N4BP2: variants seen among roughly 807,000 people sequenced by gnomAD.
N4BP2 encodes the protein NEDD4 binding protein 2, also known as NEDD4-binding protein 2.
N4BP2 carries 91 observed loss-of-function variants against 152.8 expected under a neutral mutation model. The observed-to-expected ratio is 0.60, with a 90% CI of 0.50 to 0.71. The LOEUF (loss-of-function observed/expected upper bound fraction) is 0.71, where lower values mean the gene tolerates loss of function less well. Among genes scored for constraint, N4BP2 ranks in the 30% least tolerant of loss-of-function variants. The pLI is 0.00. For missense variants in N4BP2, 1,923 were observed against 2,059.1 expected (o/e 0.93, Z 1.28); for synonymous variants, 646 against 705.3 (o/e 0.92, Z 1.33).
intron 16 of N4BP2, 37 bp downstream of exon 16, chr4:40,144,837 T>C: frequency 6.5e-7 from 1 of 1,541,808 alleles, no homozygotes; most frequent in East Asian, 2.3e-5. Context: ...CAATAGAATA[T>C]ATGTCTTTGC....
In N4BP2 at chr4:40,121,861, T is replaced by C. The variant is rs747582718; in HGVS notation, c.3750T>C (p.Phe1250=). The stretch of plus-strand genomic sequence containing the variant: ...TTTTATATAGCAGTAAGCAGTCCTT[T>C]CCAGGTATTCTAAAAGCTACTACTC... The part of the protein sequence containing the change: ...EELLYSSKQS[F]PGILKATTPK... The change falls in exon 9 of 18, where the codon TTT becomes TTC. Residue 1250 remains phenylalanine (F), a synonymous_variant. Transcript: ENST00000261435. 1.1e-5 allele frequency: 18 copies of C among 1,613,354 alleles called. No homozygotes were observed. Among genetic ancestry groups the C allele is most frequent in the Middle Eastern group, 3.3e-4 (2 of 6,080 alleles).
At chr4:40,168,800 C>A in the N4BP2 span, among the ~76,000 whole-genome samples, 1 of 151,882 alleles carries the variant, frequency 6.6e-6, no homozygotes, top group South Asian at 2.1e-4. Flanking sequence ...TCTTGGCTTA[C>A]TGCAACCTCC....
At chr4:40,107,197 C>G (rs933256786) in intron 5 of N4BP2, among the ~76,000 whole-genome samples, 173 bp downstream of exon 5, 2 of 152,018 alleles carry the variant, frequency 1.3e-5, no homozygotes, top group Non-Finnish European at 2.9e-5. Flanking sequence ...CTTCTGGGTT[C>G]AGGTGATCCT....
chr4:40,073,430 TTAA>T (rs1712410110), intron 1 of N4BP2, 22 bp from the exon 2 acceptor site: 1 of 152,122 alleles, frequency 6.6e-6, no homozygotes, highest in African/African-American at 2.4e-5. Flanking sequence ...GAATTTGACT[TTAA>T]TATATAACTT....
At chr4:40,116,938 CTAAT>C (rs71646921) in intron 7 of N4BP2, among the ~76,000 whole-genome samples, 26,763 of 151,982 alleles carry the variant, frequency 0.18, 3,030 homozygotes, top group Admixed American at 0.26. Context: ...AGCTGTCATT[CTAAT>C]TGTTTCTTTG....
chr4:40,085,191 G>A (rs1441541591), intron 2 of N4BP2, among the ~76,000 whole-genome samples: 3 of 151,904 alleles, frequency 2.0e-5, no homozygotes, highest in South Asian at 2.1e-4. Flanking sequence ...GATTACAAGC[G>A]TGAGCTACCA....
chr4:40,126,726 C>G (rs1033435155), intron 12 of N4BP2, among the ~76,000 whole-genome samples: 2 of 152,118 alleles, frequency 1.3e-5, no homozygotes, highest in Non-Finnish European at 2.9e-5. Flanking sequence ...CCACCTCAGC[C>G]TCCTGAGTAA....
At chr4:40,189,277 C>T in the N4BP2 span, among the ~76,000 whole-genome samples, 1 of 152,146 alleles carries the variant, frequency 6.6e-6, no homozygotes, top group African/African-American at 2.4e-5. The surrounding 1 kb of genome is among the most constrained non-coding windows in gnomAD (Gnocchi z 4.3). Flanking sequence ...AACCCTACAA[C>T]CCTGGAATTT....
chr4:40,079,821 G>C (rs1269405197), intron 2 of N4BP2, among the ~76,000 whole-genome samples: 1 of 151,870 alleles, frequency 6.6e-6, no homozygotes, highest in African/African-American at 2.4e-5. Context: ...CAAAAATCTA[G>C]AGTTGATAAG....
At chr4:40,083,580 G>A (rs1012038449) in intron 2 of N4BP2, among the ~76,000 whole-genome samples, 18 of 152,146 alleles carry the variant, frequency 1.2e-4, no homozygotes, top group African/African-American at 3.9e-4. Context: ...AGTCACAAAA[G>A]GCCATGTTTT....
chr4:40,126,950 G>A (rs1267713517), intron 12 of N4BP2, among the ~76,000 whole-genome samples: 5 of 151,282 alleles, frequency 3.3e-5, no homozygotes, highest in Non-Finnish European at 7.4e-5. Flanking sequence ...GTAGAGACAG[G>A]GTTTCACCAT....
intron 2 of N4BP2, 58 bp from the exon 3 acceptor site, chr4:40,097,169 C>T (rs538845150): frequency 1.6e-5 from 9 of 552,284 alleles, no homozygotes; most frequent in Middle Eastern, 4.7e-4. Flanking sequence ...GATGTCATTC[C>T]GATTTTAGAA....
intron 2 of N4BP2, among the ~76,000 whole-genome samples, chr4:40,090,095 C>T (rs910077441): frequency 6.6e-6 from 1 of 152,132 alleles, no homozygotes; most frequent in Non-Finnish European, 1.5e-5. Context: ...ACTTATGTTG[C>T]TGGGTTTTCT....
In N4BP2 at chr4:40,120,893, G is replaced by A. The variant is rs1470586552; in HGVS notation, c.2782G>A (p.Glu928Lys). 4 of 1,613,988 alleles carry A rather than the reference G, an allele frequency of 2.5e-6. No homozygotes were observed. In the South Asian group the frequency reaches 3.3e-5, roughly 13 times the overall value. ...TGAAATATCCTTATCTACAGCACAT[G>A]AGGCCTGTTGGGGCACAAGCTCTCA... The part of the protein sequence containing the change: ...MNEISLSTAH[E>K]ACWGTSSQKL... The change falls in exon 9 of 18, where the codon GAG becomes AAG. Residue 928 changes from glutamate (E) to lysine (K), a missense_variant. Glu to Lys is a moderately conservative substitution (Grantham distance 56). Coordinates refer to ENST00000261435, the MANE Select transcript of N4BP2 (RefSeq NM_018177.6).
Position 40,157,730 on chromosome 4 carries a change from CAG to C in N4BP2, c.*3495_*3496del, listed in dbSNP as rs1310926838. ...AATTTTTATTTACATGTAAAGAAAACAGATTTAAATGTTTATGTGGCCAAAAG... is the reference window on the plus strand; with the variant it reads ...AATTTTTATTTACATGTAAAGAAAACATTTAAATGTTTATGTGGCCAAAAG... On this transcript the variant is annotated 3_prime_UTR_variant, in exon 18 of 18. Coordinates refer to ENST00000261435, the MANE Select transcript of N4BP2 (RefSeq NM_018177.6). The C allele has an allele frequency of 6.6e-6, 1 of 152,076 alleles. No homozygotes were observed. The highest frequency in any genetic ancestry group is 1.5e-5 in the Non-Finnish European group (1 of 68,016). 9.4% of individuals were successfully genotyped at this position (152,076 alleles called of 1,614,324 possible). A position where few individuals can be genotyped will look rare whatever the true frequency, so the allele number is the denominator to read the frequency against.
rs200766960 is a variant in N4BP2, at chr4:40,103,191, C to T, written c.1346C>T (p.Pro449Leu). 6 of 1,606,938 alleles carry T rather than the reference C, an allele frequency of 3.7e-6. No homozygotes were observed. The highest frequency in any genetic ancestry group is 4.5e-5 in the East Asian group (2 of 44,808). Reference sequence around the variant, plus strand: ...GTTCTTGTTCTTCTCAGAGGTCTTCCGGGATCTGGAAAATCTTTTTTGGCA... The same window carrying T: ...GTTCTTGTTCTTCTCAGAGGTCTTCTGGGATCTGGAAAATCTTTTTTGGCA... ...GLVLVLLRGL[P>L]GSGKSFLART... The change falls in exon 4 of 18, where the codon CCG becomes CTG. Residue 449 changes from proline (P) to leucine (L), a missense_variant. Coordinates refer to ENST00000261435, the MANE Select transcript of N4BP2 (RefSeq NM_018177.6).
At chr4:40,110,623 C>T (rs1031167419) in intron 5 of N4BP2, among the ~76,000 whole-genome samples, 5 of 152,138 alleles carry the variant, frequency 3.3e-5, no homozygotes, top group African/African-American at 4.8e-5. Context: ...TTGCAACCTC[C>T]GCCTCCTGGG....
In N4BP2 at chr4:40,122,063, C is replaced by A; in HGVS notation, c.3952C>A (p.Pro1318Thr). Residue 1318 changes from proline (P) to threonine (T), a missense_variant, in exon 9 of 18, where the codon CCA (proline) becomes ACA (threonine). By Grantham distance (38) the Pro-to-Thr change is conservative. Coordinates refer to ENST00000261435, the MANE Select transcript of N4BP2 (RefSeq NM_018177.6). ...TGAAATAAAGAGAAATGAAAATTTT[C>A]CAAAGGATTATGTGAAATTTTCAGA... ...SLEIKRNENF[P>T]KDYVKFSDEE... is the part of the protein sequence containing the mutation. 1.3e-6 allele frequency: 2 copies of A among 1,545,166 alleles called. No individual in the cohort carries two copies. Among genetic ancestry groups the A allele is most frequent in the East Asian group, 2.3e-5 (1 of 44,106 alleles).
intron 2 of N4BP2, among the ~76,000 whole-genome samples, chr4:40,078,141 GTGTGTGTA>G (rs1712960794): frequency 6.7e-6 from 1 of 148,326 alleles, no homozygotes; most frequent in South Asian, 2.1e-4. Context: ...GTGTGTGTGT[GTGTGTGTA>G]TGTGTGTATT....
Sources: gnomAD v4.1 joint callset for allele counts (sites outside exome capture counted in the v4.1 genomes callset) on GRCh38, gnomAD v4.1.1 for gene constraint, Gnocchi (gnomAD v3.1) non-coding constraint, MANE v1.5 for transcripts, NCBI Gene and HGNC (gene_info 2026-07-23, HGNC 2026-07-21) for gene names.